APBA1: variants seen among roughly 807,000 people sequenced by gnomAD.
APBA1 encodes the protein amyloid beta precursor protein binding family A member 1, also known as amyloid-beta A4 precursor protein-binding family A member 1.
Under a neutral mutation model 86.6 loss-of-function variants are expected in APBA1, and 55 were observed. The observed-to-expected ratio is 0.64, with a 90% CI of 0.51 to 0.80. The LOEUF is 0.80. APBA1 is among the 30% of genes least tolerant of loss of function. The pLI, the probability that APBA1 is intolerant of heterozygous loss-of-function variation, is 0.00. For synonymous variants in APBA1, 511 were observed against 493.9 expected (o/e 1.03, Z -0.46); for missense variants, 1,090 against 1,183.0 (o/e 0.92, Z 1.15).
intron 10 of APBA1, among the ~76,000 whole-genome samples, chr9:69,441,739 A>G (rs1262013316): frequency 6.6e-6 from 1 of 152,172 alleles, no homozygotes; most frequent in Non-Finnish European, 1.5e-5. Context: ...GGGTTGTAGG[A>G]TGGGTGTTGA....
At chr9:69,624,758 A>T (rs1822896837) in intron 1 of APBA1, among the ~76,000 whole-genome samples, 1 of 152,234 alleles carries the variant, frequency 6.6e-6, no homozygotes, top group Non-Finnish European at 1.5e-5. Flanking sequence ...ACAAAGCATG[A>T]TGATTTACAG....
intron 1 of APBA1, among the ~76,000 whole-genome samples, chr9:69,629,170 T>C (rs1005859551): frequency 6.6e-6 from 1 of 152,176 alleles, no homozygotes; most frequent in Non-Finnish European, 1.5e-5. Context: ...CCAATAAATG[T>C]TCAGGATTCC....
chr9:69,597,984 C>T (rs1379927874), intron 1 of APBA1, among the ~76,000 whole-genome samples: 12 of 151,810 alleles, frequency 7.9e-5, no homozygotes, highest in East Asian at 3.9e-4. Context: ...CACATGCACA[C>T]GTATGTTTAT....
At chr9:69,577,099 T>A (rs933138429) in intron 1 of APBA1, among the ~76,000 whole-genome samples, 2 of 152,200 alleles carry the variant, frequency 1.3e-5, no homozygotes, top group Non-Finnish European at 2.9e-5. Flanking sequence ...ATATCCATCA[T>A]CTCAAACATT....
chr9:69,565,422 C>T lies in APBA1; in HGVS notation c.-69-48143G>A, dbSNP rs116996954. ...TGCCAGCAGTCTCCAGCGAGCCCAT[C>T]AGCTCCTATGACCTTAATCATCTAC... is the stretch of plus-strand genomic sequence containing the variant. On this transcript the variant is annotated intron_variant, in intron 1 of 12. Transcript: ENST00000265381. Among the ~76,000 whole-genome samples the T allele has an allele frequency of 2.2e-3, 337 of 152,254 alleles. 2 individuals carry two copies. Among genetic ancestry groups the T allele is most frequent in the Non-Finnish European group, 4.0e-3 (269 of 68,012 alleles).
rs1216294451 is a variant in APBA1, at chr9:69,517,269, G to A, written c.-59C>T. 3.5e-6 allele frequency: 5 copies of A among 1,411,190 alleles called. No homozygotes were observed. The highest frequency in any genetic ancestry group is 4.6e-6 in the Non-Finnish European group (5 of 1,086,144). 87.4% of individuals were successfully genotyped at this position (1,411,190 alleles called of 1,614,324 possible). On this transcript the variant is annotated 5_prime_UTR_variant, in exon 2 of 13. Transcript: ENST00000265381. ...GCCCGGCTCACTGCGCTCTCATTTT[G>A]CTCCACTGGGCTGGAAAAACAAGAA...
chr9:69,492,266 G>A (rs2133862124), intron 2 of APBA1, among the ~76,000 whole-genome samples: 1 of 152,054 alleles, frequency 6.6e-6, no homozygotes, highest in East Asian at 1.9e-4. Context: ...CCACCTCCCG[G>A]GTTGCCATGA....
At chr9:69,657,448 C>G (rs1216949909) in intron 1 of APBA1, among the ~76,000 whole-genome samples, 1 of 152,208 alleles carries the variant, frequency 6.6e-6, no homozygotes, top group African/African-American at 2.4e-5. Flanking sequence ...TTCACACTGA[C>G]ATCAGCAGTT....
At chr9:69,606,191 G>A (rs557691887) in intron 1 of APBA1, among the ~76,000 whole-genome samples, 2 of 152,308 alleles carry the variant, frequency 1.3e-5, no homozygotes, top group East Asian at 1.9e-4. Flanking sequence ...CTTGCCCTCT[G>A]TCCATTAGCA....
intron 2 of APBA1, among the ~76,000 whole-genome samples, chr9:69,477,119 C>G (rs1313526328): frequency 2.0e-5 from 3 of 152,114 alleles, no homozygotes. Context: ...GCGGCGGAGC[C>G]AAGATGGCCG....
chr9:69,572,167 C>T (rs1234611674), intron 1 of APBA1, among the ~76,000 whole-genome samples: 2 of 152,130 alleles, frequency 1.3e-5, no homozygotes, highest in Non-Finnish European at 1.5e-5. Flanking sequence ...TGGTGGTTTA[C>T]TGCACCTATC....
chr9:69,589,030 C>T (rs1457547916), intron 1 of APBA1, among the ~76,000 whole-genome samples: 1 of 152,234 alleles, frequency 6.6e-6, no homozygotes, highest in African/African-American at 2.4e-5. Context: ...TCTCAGCTCA[C>T]TGCAACCTCT....
intron 2 of APBA1, among the ~76,000 whole-genome samples, chr9:69,485,439 C>T (rs1249468473): frequency 6.6e-6 from 1 of 152,074 alleles, no homozygotes; most frequent in African/African-American, 2.4e-5. Context: ...TTACATAATA[C>T]TATTAACTTT....
At chr9:69,489,896 C>T (rs1452413929) in intron 2 of APBA1, among the ~76,000 whole-genome samples, 1 of 152,154 alleles carries the variant, frequency 6.6e-6, no homozygotes, top group Non-Finnish European at 1.5e-5. Context: ...ACTAGTTCAA[C>T]CCTTGTGGAA....
At position 69,516,811 on chromosome 9, in the gene APBA1, C is replaced by G; in HGVS notation, c.400G>C (p.Glu134Gln). ...TGCGTGGCCTCGGCGTGCTCGGCCT[C>G]TGCCTGCTCCGTGTACTCCTCGGCC... ...PEAEEYTEQA[E>Q]AEHAEATHRR... The change falls in exon 2 of 13, where the codon GAG (glutamate) becomes CAG (glutamine). Residue 134 changes from glutamate to glutamine, a missense_variant. This residue lies in a region of APBA1 where 678 missense variants were observed against 647.1 expected (regional missense o/e 1.05). Coordinates refer to ENST00000265381, the MANE Select transcript of APBA1 (RefSeq NM_001163.4). This position sits in a 1 kb window ranked among gnomAD's most constrained non-coding sequence, Gnocchi z 7.3. 6.2e-7 allele frequency: 1 copy of G among 1,608,180 alleles called. No individual in the cohort carries two copies. The highest frequency in any genetic ancestry group is 8.5e-7 in the Non-Finnish European group (1 of 1,179,370).
In APBA1 at chr9:69,449,603, G is replaced by A. The variant is rs773829845; in HGVS notation, c.2162C>T (p.Thr721Ile). 3 of 1,613,878 alleles carry A rather than the reference G, an allele frequency of 1.9e-6. No homozygotes were observed. The highest frequency in any genetic ancestry group is 3.3e-5 in the Admixed American group (2 of 60,020). The part of the protein sequence containing the change: ...GTSLVGLPLS[T>I]CQSIIKGLKN... ...AGGTACCTTAATAATGCTCTGGCAG[G>A]TGGACAGAGGCAGGCCCACCAGGCT... is the stretch of plus-strand genomic sequence containing the variant. The change falls in exon 10 of 13, where the codon ACC becomes ATC. Residue 721 changes from threonine to isoleucine, a missense_variant. This residue lies in a region of APBA1 where 97 missense variants were observed against 166.8 expected (regional missense o/e 0.58). Coordinates refer to ENST00000265381, the MANE Select transcript of APBA1 (RefSeq NM_001163.4).
intron 1 of APBA1, among the ~76,000 whole-genome samples, chr9:69,567,749 CAGG>C (rs1043818774): frequency 1.2e-4 from 19 of 152,178 alleles, no homozygotes; most frequent in African/African-American, 4.6e-4. Context: ...TCAGGCCTGT[CAGG>C]AGGAGGTGCA....
chr9:69,650,308 T>C (rs768630248), intron 1 of APBA1, among the ~76,000 whole-genome samples: 1 of 152,260 alleles, frequency 6.6e-6, no homozygotes, highest in Non-Finnish European at 1.5e-5. Context: ...TGTCTTATGC[T>C]GCTTATAGTA....
intron 1 of APBA1, among the ~76,000 whole-genome samples, chr9:69,519,890 T>C (rs1836225120): frequency 6.6e-6 from 1 of 152,248 alleles, no homozygotes; most frequent in African/African-American, 2.4e-5. Context: ...GGAACTTCCT[T>C]GCGTGTATAT....
Sources: allele counts gnomAD v4.1 joint callset (sites outside exome capture counted in the v4.1 genomes callset), GRCh38; gene constraint gnomAD v4.1.1; regional missense constraint gnomAD v4.1.1; non-coding constraint Gnocchi (gnomAD v3.1); transcripts MANE v1.5; gene names NCBI Gene and HGNC (gene_info 2026-07-23, HGNC 2026-07-21).